The following COG6 variants were observed in gnomAD, a reference collection of about 807,000 sequenced individuals.
COG6 encodes component of oligomeric golgi complex 6.
COG6 carries 74 observed loss-of-function variants against 88.8 expected under a neutral mutation model. The observed-to-expected ratio is 0.83, with a 90% CI of 0.69 to 1.01. COG6 has a LOEUF of 1.01. Ranked by LOEUF, COG6 falls within the 50% of genes least tolerant of loss-of-function variation. The probability of loss-of-function intolerance (pLI) is 0.00; values close to 1 mark genes in which losing one functional copy is unlikely to be tolerated. For missense variants in COG6, 800 were observed against 797.9 expected (o/e 1.00, Z -0.03); for synonymous variants, 286 against 278.7 (o/e 1.03, Z -0.26).
intron 12 of COG6, among the ~76,000 whole-genome samples, chr13:39,696,444 A>G (rs1030720580): frequency 6.6e-6 from 1 of 152,034 alleles, no homozygotes; most frequent in East Asian, 1.9e-4. Context: ...TTTTGAGGCC[A>G]TTCGATAGAG....
At chr13:39,694,817 A>G (rs1877175927) in intron 12 of COG6, 92 bp downstream of exon 12, 1 of 692,468 alleles carries the variant, frequency 1.4e-6, no homozygotes, top group African/African-American at 1.8e-5. Flanking sequence ...TATTGTGTAT[A>G]GTAATTATAC....
Position 39,687,586 on chromosome 13 carries a change from G to A in COG6, c.872G>A (p.Gly291Glu). Residue 291 changes from glycine to glutamate, a missense_variant, in exon 9 of 19, where the codon GGA becomes GAA. Gly to Glu is a moderately conservative substitution (Grantham distance 98). Transcript: ENST00000455146. ...GATGCGCTCACAAGAGGGGGCCCCG[G>A]AGGTACACCTAGACCAATTGAAATG... is the stretch of plus-strand genomic sequence containing the variant. ...FIDALTRGGPGGTPRPIEMHS... is the reference protein window; with the variant it reads ...FIDALTRGGPEGTPRPIEMHS... The A allele has an allele frequency of 6.2e-7, 1 of 1,613,828 alleles. No homozygotes were observed. Among genetic ancestry groups the A allele is most frequent in the Non-Finnish European group, 8.5e-7 (1 of 1,179,978 alleles).
At chr13:39,680,748 C>G (rs1256465860) in intron 7 of COG6, among the ~76,000 whole-genome samples, 2 of 152,164 alleles carry the variant, frequency 1.3e-5, no homozygotes, top group Non-Finnish European at 2.9e-5. Context: ...GCCCCTTCCT[C>G]CATCTTCCAA....
intron 13 of COG6, among the ~76,000 whole-genome samples, chr13:39,714,954 A>G (rs1331487700): frequency 6.6e-6 from 1 of 152,268 alleles, no homozygotes; most frequent in Non-Finnish European, 1.5e-5. Context: ...CAACTCAGGA[A>G]TAGGAAGCCA....
downstream of COG6, among the ~76,000 whole-genome samples, chr13:39,754,177 C>T (rs994021000): frequency 2.0e-5 from 3 of 152,136 alleles, no homozygotes; most frequent in Admixed American, 2.0e-4. Flanking sequence ...TATATGATTT[C>T]TAAAAGTTGG....
downstream of COG6, among the ~76,000 whole-genome samples, chr13:39,754,710 A>G (rs528166561): frequency 8.5e-5 from 13 of 152,300 alleles, no homozygotes; most frequent in African/African-American, 3.1e-4. Flanking sequence ...AGTACCTACT[A>G]GGTAGTAGGC....
chr13:39,707,914 G>A (rs1014485230), intron 13 of COG6, among the ~76,000 whole-genome samples: 4 of 152,036 alleles, frequency 2.6e-5, no homozygotes, highest in African/African-American at 9.7e-5. Context: ...GCCCAGAAAT[G>A]GAATATCTGG....
In COG6 at chr13:39,747,354, C is replaced by G. The variant is rs537318900; in HGVS notation, c.1827-3592C>G. ...GACTCAGACTCGCTTCAGAGAATCTCCCTTTTCATTTTATTTCTATCCTGT... is the reference window on the plus strand; with the variant it reads ...GACTCAGACTCGCTTCAGAGAATCTGCCTTTTCATTTTATTTCTATCCTGT... On this transcript the variant is annotated intron_variant, in intron 18 of 18. Transcript: ENST00000455146. 1.3e-5 allele frequency among the ~76,000 whole-genome samples: 2 copies of G among 152,278 alleles called. 1 individual carries two copies. Among genetic ancestry groups the G allele is most frequent in the South Asian group, 4.1e-4 (2 of 4,830 alleles).
chr13:39,666,718 G>A (rs949258559), intron 4 of COG6, among the ~76,000 whole-genome samples: 1 of 152,074 alleles, frequency 6.6e-6, no homozygotes, highest in African/African-American at 2.4e-5. Flanking sequence ...GGGTCTTAGG[G>A]CTACAAAGGA....
chr13:39,689,988 A>G (rs1876891704), intron 11 of COG6, among the ~76,000 whole-genome samples, 164 bp downstream of exon 11: 1 of 151,960 alleles, frequency 6.6e-6, no homozygotes, highest in East Asian at 1.9e-4. Flanking sequence ...AATAATTGCC[A>G]GTTTTCTCTC....
intron 18 of COG6, among the ~76,000 whole-genome samples, chr13:39,762,107 A>C (rs1881033679): frequency 6.6e-6 from 1 of 151,982 alleles, no homozygotes. Context: ...AAGATATGGA[A>C]TCAACTTGTG....
At chr13:39,738,406 A>G (rs1040071356) in intron 18 of COG6, among the ~76,000 whole-genome samples, 6 of 152,314 alleles carry the variant, frequency 3.9e-5, no homozygotes, top group African/African-American at 1.4e-4. Context: ...CATTGAAACA[A>G]ATAAAGTTAT....
At position 39,659,029 on chromosome 13, in the gene COG6, C is replaced by T. The variant is rs186489687; in HGVS notation, c.154-335C>T. Among the ~76,000 whole-genome samples, 334 of 122,472 alleles carry T rather than the reference C, an allele frequency of 2.7e-3. 3 individuals are homozygous for T. Among genetic ancestry groups the T allele is most frequent in the African/African-American group, 9.2e-3 (312 of 34,092 alleles). The allele number at this position is 122,472 out of a possible 152,430, so 80.3% of individuals were successfully genotyped here. ...TTAACATATCTCAAAGCTTATACTA[C>T]GTAAGTGCATAAAGATTTTTTTTTT... is the stretch of plus-strand genomic sequence containing the variant. On this transcript the variant is annotated intron_variant, in intron 1 of 18. Coordinates refer to ENST00000455146, the MANE Select transcript of COG6 (RefSeq NM_020751.3).
chr13:39,676,483 TA>T (rs2137980426), intron 4 of COG6, among the ~76,000 whole-genome samples: 1 of 152,218 alleles, frequency 6.6e-6, no homozygotes, highest in African/African-American at 2.4e-5. Context: ...TCATTTGAAA[TA>T]AACAGATCTT....
chr13:39,679,348 A>G, intron 5 of COG6, 190 bp from the exon 6 acceptor site: 1 of 588,146 alleles, frequency 1.7e-6, no homozygotes, highest in East Asian at 2.9e-5. Context: ...TAATATATTA[A>G]TATGTCTTAA....
rs563094409 is a variant in COG6, at chr13:39,721,502, T to A, written c.1584+1675T>A. Among the ~76,000 whole-genome samples the A allele has an allele frequency of 7.2e-5, 11 of 152,210 alleles. No individual in the cohort carries two copies. The South Asian group carries it at 2.1e-3, about 29-fold the overall frequency. On this transcript the variant is annotated intron_variant, in intron 15 of 18. Transcript: ENST00000455146. ...TTCCCAGTGCCCTTTCAGACCCCACTGGCAGTCCCTTGAGTGGGTATTCCA... is the reference window on the plus strand; with the variant it reads ...TTCCCAGTGCCCTTTCAGACCCCACAGGCAGTCCCTTGAGTGGGTATTCCA...
At chr13:39,743,171 C>A (rs774692471) in intron 18 of COG6, among the ~76,000 whole-genome samples, 13 of 152,070 alleles carry the variant, frequency 8.5e-5, no homozygotes, top group Non-Finnish European at 1.5e-4. Flanking sequence ...AAAATCGACA[C>A]CCTAACATCA....
intron 10 of COG6, 23 bp downstream of exon 10, chr13:39,687,822 T>C (rs1161117828): frequency 3.4e-6 from 5 of 1,477,760 alleles, no homozygotes; most frequent in Non-Finnish European, 4.7e-6. Context: ...ATTGTATTGC[T>C]AATGCCTAAA....
intron 3 of COG6, among the ~76,000 whole-genome samples, chr13:39,664,539 A>G (rs1471010173): frequency 6.6e-6 from 1 of 152,162 alleles, no homozygotes. Context: ...TGGCTTAGGG[A>G]AGGGAGAATT....
Sources: allele counts gnomAD v4.1 joint callset (sites outside exome capture counted in the v4.1 genomes callset), GRCh38; gene constraint gnomAD v4.1.1; transcripts MANE v1.5; gene names NCBI Gene and HGNC (gene_info 2026-07-23, HGNC 2026-07-21).